WHAMM: variants seen among roughly 807,000 people sequenced by gnomAD.
The protein encoded by WHAMM is WASP homolog-associated protein with actin, membranes and microtubules.
In WHAMM, 67 loss-of-function variants were observed where a neutral mutation model predicts 76.5. That is an observed-to-expected ratio of 0.88 (90% CI 0.72 to 1.07). WHAMM has a LOEUF of 1.07. Ranked by LOEUF, WHAMM falls within the 50% of genes least tolerant of loss-of-function variation. The pLI is 0.00. For missense variants in WHAMM, 1,021 were observed against 1,051.1 expected (o/e 0.97, Z 0.40); for synonymous variants, 419 against 422.1 (o/e 0.99, Z 0.09).
At chr15:82,832,433 A>C (rs1239951298) in intron 9 of WHAMM, among the ~76,000 whole-genome samples, 3 of 152,198 alleles carry the variant, frequency 2.0e-5, no homozygotes, top group African/African-American at 7.2e-5. Flanking sequence ...GGCCACAGTC[A>C]GGCCTGTCTC....
chr15:82,824,798 A>T (rs1475679724), intron 6 of WHAMM, among the ~76,000 whole-genome samples: 1 of 152,258 alleles, frequency 6.6e-6, no homozygotes, highest in East Asian at 1.9e-4. Flanking sequence ...TTAAGAAAAC[A>T]TGAAAATTGT....
Position 82,810,210 on chromosome 15 carries a change from G to A in WHAMM, c.484G>A (p.Gly162Ser), listed in dbSNP as rs1036305916. 8 of 1,410,740 alleles carry A rather than the reference G, an allele frequency of 5.7e-6. No homozygotes were observed. The African/African-American group carries it at 1.2e-4, about 21-fold the overall frequency. 87.4% of individuals were successfully genotyped at this position (1,410,740 alleles called of 1,614,324 possible). A position where few individuals can be genotyped will look rare whatever the true frequency, so the allele number is the denominator to read the frequency against. The change falls in exon 1 of 10, where the codon GGC becomes AGC. Residue 162 changes from glycine (G) to serine (S), a missense_variant. Coordinates refer to ENST00000286760, the MANE Select transcript of WHAMM (RefSeq NM_001080435.3). ...YLGAAADGCG[G>S]ATVRDALFPA... is the part of the protein sequence containing the mutation. ...GGGCGCGGCGGCCGACGGCTGCGGC[G>A]GCGCCACAGTGCGCGACGCACTCTT...
intron 3 of WHAMM, among the ~76,000 whole-genome samples, chr15:82,817,714 AC>A (rs1182302156): frequency 3.3e-5 from 5 of 152,302 alleles, no homozygotes; most frequent in Admixed American, 1.3e-4. Context: ...TGAGATCATG[AC>A]TTACTGTCTT....
At chr15:82,826,108 A>T (rs2050927448) in intron 6 of WHAMM, among the ~76,000 whole-genome samples, 2 of 152,230 alleles carry the variant, frequency 1.3e-5, no homozygotes, top group Non-Finnish European at 2.9e-5. Context: ...TTAAACAGTC[A>T]CATTAAAACA....
chr15:82,833,572 T>C lies in WHAMM; in HGVS notation c.*36T>C, dbSNP rs772334094. The stretch of plus-strand genomic sequence containing the variant: ...GACAAAGGCACCTGCCACAGTAGGC[T>C]TGAATAAAGTGGGTGAGTCTTAGAC... On this transcript the variant is annotated 3_prime_UTR_variant, in exon 10 of 10. Transcript: ENST00000286760. The C allele has an allele frequency of 1.9e-6, 3 of 1,602,460 alleles. No homozygotes were observed. The highest frequency in any genetic ancestry group is 2.6e-6 in the Non-Finnish European group (3 of 1,175,382).
In WHAMM at chr15:82,811,996, T is replaced by C. The variant is rs568116167; in HGVS notation, c.610-1107T>C. ...TCTATATTATTTGATTTTATTTCTC[T>C]TCTTCTGGGAGTAAAATAATTTCCT... On this transcript the variant is annotated intron_variant, in intron 1 of 9. Transcript: ENST00000286760. 9.8e-5 allele frequency among the ~76,000 whole-genome samples: 15 copies of C among 152,356 alleles called. No homozygotes were observed. In the South Asian group the frequency reaches 3.1e-3, roughly 32 times the overall value.
chr15:82,832,419 T>C (rs1446035426), intron 9 of WHAMM, among the ~76,000 whole-genome samples: 2 of 152,156 alleles, frequency 1.3e-5, no homozygotes, highest in Non-Finnish European at 2.9e-5. Flanking sequence ...ATCTCTAAAT[T>C]AGTGGCCACA....
At chr15:82,828,478 G>A (rs772244972) in intron 8 of WHAMM, among the ~76,000 whole-genome samples, 27 of 152,204 alleles carry the variant, frequency 1.8e-4, no homozygotes, top group African/African-American at 5.8e-4. Flanking sequence ...GATGAACACA[G>A]AGCCAGTGAG....
At chr15:82,817,480 T>A (rs1443528239) in intron 3 of WHAMM, among the ~76,000 whole-genome samples, 3 of 152,214 alleles carry the variant, frequency 2.0e-5, no homozygotes, top group African/African-American at 7.2e-5. Flanking sequence ...TTATGGTACC[T>A]TCATAAAACA....
chr15:82,826,501 G>A lies in WHAMM; in HGVS notation c.1545+5G>A, dbSNP rs746337041. The A allele has an allele frequency of 8.1e-6, 13 of 1,611,270 alleles. No individual in the cohort carries two copies. Among genetic ancestry groups the A allele is most frequent in the Non-Finnish European group, 1.1e-5 (13 of 1,177,534 alleles). ...CAGCATCACAGTATTCAGATGGTGAGTCTCCTCCGAAGGAAAATGTTCTAT... is the reference window on the plus strand; with the variant it reads ...CAGCATCACAGTATTCAGATGGTGAATCTCCTCCGAAGGAAAATGTTCTAT... On this transcript the variant is annotated splice_donor_5th_base_variant and intron_variant, in intron 7 of 9. Transcript: ENST00000286760.
At chr15:82,829,657 G>T (rs113990168) in intron 8 of WHAMM, among the ~76,000 whole-genome samples, 6 of 152,128 alleles carry the variant, frequency 3.9e-5, no homozygotes, top group Admixed American at 1.3e-4. Context: ...TGGATTGCAT[G>T]GGGTGTGTGT....
At chr15:82,818,129 CTT>C (rs2050758270) in intron 4 of WHAMM, 40 bp downstream of exon 4, 1 of 1,508,000 alleles carries the variant, frequency 6.6e-7, no homozygotes. Context: ...TAAAAATACA[CTT>C]TTATTTTTAA....
At chr15:82,831,416 T>G (rs2051031058) in intron 9 of WHAMM, among the ~76,000 whole-genome samples, 1 of 152,360 alleles carries the variant, frequency 6.6e-6, no homozygotes, top group East Asian at 1.9e-4. Flanking sequence ...GCCGTTGGAA[T>G]ACTTTTCAAT....
chr15:82,827,805 C>G (rs534888202), intron 8 of WHAMM, among the ~76,000 whole-genome samples: 1 of 152,186 alleles, frequency 6.6e-6, no homozygotes, highest in African/African-American at 2.4e-5. Context: ...ATTAGCCGGG[C>G]ATGGTGGTGC....
At chr15:82,816,256 A>G (rs1163448306) in intron 2 of WHAMM, among the ~76,000 whole-genome samples, 1 of 152,210 alleles carries the variant, frequency 6.6e-6, no homozygotes, top group Admixed American at 6.5e-5. Context: ...GCATGAATAT[A>G]CAGATACTAT....
At chr15:82,810,755 T>C (rs1176023611) in intron 1 of WHAMM, 2 of 985,126 alleles carry the variant, frequency 2.0e-6, no homozygotes, top group African/African-American at 3.5e-5. Flanking sequence ...TGGGATAAAA[T>C]GGTTTAGAGG....
intron 9 of WHAMM, among the ~76,000 whole-genome samples, chr15:82,831,727 G>C (rs76108467): frequency 0.03 from 4,598 of 152,314 alleles, 84 homozygotes; most frequent in Non-Finnish European, 0.046. Flanking sequence ...TTTGACTTTA[G>C]ACATTAAGTG....
At chr15:82,815,029 C>T (rs2050696762) in intron 2 of WHAMM, among the ~76,000 whole-genome samples, 1 of 147,520 alleles carries the variant, frequency 6.8e-6, no homozygotes. Flanking sequence ...CTCGGCCTCC[C>T]AGAGTGCTGG....
Position 82,830,581 on chromosome 15 carries a change from A to G in WHAMM, c.1642-18A>G, listed in dbSNP as rs778881507. 24 of 1,600,052 alleles carry G rather than the reference A, an allele frequency of 1.5e-5. No individual in the cohort carries two copies. The highest frequency in any genetic ancestry group is 1.9e-5 in the Non-Finnish European group (22 of 1,170,338). The stretch of plus-strand genomic sequence containing the variant: ...TTGCACTTGTGGCAGATTGCTCACC[A>G]TGGTTTTTCATTTTCAGAAACGCCT... On this transcript the variant is annotated intron_variant, in intron 8 of 9. Transcript: ENST00000286760.
Sources: gnomAD v4.1 joint callset for allele counts (sites outside exome capture counted in the v4.1 genomes callset) on GRCh38, gnomAD v4.1.1 for gene constraint, MANE v1.5 for transcripts, NCBI Gene and HGNC (gene_info 2026-07-23, HGNC 2026-07-21) for gene names.